ST7: variants seen among roughly 807,000 people sequenced by gnomAD.
ST7 encodes the protein suppressor of tumorigenicity 7 protein.
In ST7, 28 loss-of-function variants were observed where a neutral mutation model predicts 78.7. That is an observed-to-expected ratio of 0.36 (90% CI 0.26 to 0.49). The LOEUF (loss-of-function observed/expected upper bound fraction) is 0.49, where lower values mean the gene tolerates loss of function less well. ST7 is among the 20% of genes least tolerant of loss of function. The pLI, the probability that ST7 is intolerant of heterozygous loss-of-function variation, is 0.99. For missense variants in ST7, 418 were observed against 696.0 expected (o/e 0.60, Z 4.49); for synonymous variants, 247 against 249.6 (o/e 0.99, Z 0.10).
At chr7:117,169,342 G>T (rs1339565888) in intron 9 of ST7, among the ~76,000 whole-genome samples, 1 of 151,678 alleles carries the variant, frequency 6.6e-6, no homozygotes, top group African/African-American at 2.4e-5. Flanking sequence ...TGCCATGTTG[G>T]ACAGGCTGGT....
At chr7:117,218,216 C>T (rs958328550) in intron 13 of ST7, among the ~76,000 whole-genome samples, 1 of 152,098 alleles carries the variant, frequency 6.6e-6, no homozygotes, top group African/African-American at 2.4e-5. Flanking sequence ...TCTGACATTC[C>T]CAGAGTAGGG....
intron 1 of ST7, chr7:117,090,904 TCC>T (rs1747750104): frequency 6.0e-6 from 1 of 166,872 alleles, no homozygotes; most frequent in South Asian, 2.1e-4. Flanking sequence ...ATGGCCTCCC[TCC>T]AGCAAGGGAG....
chr7:117,104,231 A>G (rs531693695), intron 2 of ST7, among the ~76,000 whole-genome samples: 115 of 152,318 alleles, frequency 7.5e-4, no homozygotes, highest in African/African-American at 2.6e-3. Flanking sequence ...ACATGAGGCC[A>G]GGAGTTCGAG....
chr7:117,147,103 T>C (rs1805854589), intron 9 of ST7, among the ~76,000 whole-genome samples: 1 of 152,184 alleles, frequency 6.6e-6, no homozygotes, highest in South Asian at 2.1e-4. Flanking sequence ...TTCCCTGTTT[T>C]ACTCAACACT....
chr7:117,149,444 G>A (rs1584473686), intron 9 of ST7, among the ~76,000 whole-genome samples: 2 of 152,186 alleles, frequency 1.3e-5, no homozygotes, highest in East Asian at 3.9e-4. Flanking sequence ...GTCAGGAGGG[G>A]CCCTTCTCAA....
intron 9 of ST7, among the ~76,000 whole-genome samples, chr7:117,142,016 G>A (rs561033442): frequency 6.6e-6 from 1 of 152,174 alleles, no homozygotes; most frequent in Admixed American, 6.5e-5. Context: ...ATAAAAAGTT[G>A]CATTTTCTGC....
At chr7:117,165,938 A>C (rs1807521375) in intron 9 of ST7, among the ~76,000 whole-genome samples, 1 of 152,176 alleles carries the variant, frequency 6.6e-6, no homozygotes, top group South Asian at 2.1e-4. Flanking sequence ...TGAGGTTGGC[A>C]TATTAGACAG....
chr7:117,136,366 T>C, intron 8 of ST7, 131 bp downstream of exon 8: 1 of 1,145,180 alleles, frequency 8.7e-7, no homozygotes, highest in Non-Finnish European at 1.3e-6. Flanking sequence ...GCTTTGTTTT[T>C]ATTAATTTTC....
intron 9 of ST7, among the ~76,000 whole-genome samples, chr7:117,152,951 G>A (rs1806408013): frequency 6.6e-6 from 1 of 152,124 alleles, no homozygotes; most frequent in East Asian, 1.9e-4. Flanking sequence ...CTATTTTTCG[G>A]TAATGGAGAG....
At chr7:117,096,382 A>T (rs1801045266) in intron 1 of ST7, among the ~76,000 whole-genome samples, 1 of 152,166 alleles carries the variant, frequency 6.6e-6, no homozygotes, top group South Asian at 2.1e-4. Context: ...CTCACAGGGG[A>T]CTTATCTAGA....
chr7:117,005,092 CT>C, intron 1 of ST7, among the ~76,000 whole-genome samples: 1 of 152,116 alleles, frequency 6.6e-6, no homozygotes, highest in African/African-American at 2.4e-5. Flanking sequence ...TCTCAATGCA[CT>C]ACTTTTTTTT....
chr7:117,081,278 ACTT>A (rs994380968), intron 1 of ST7, among the ~76,000 whole-genome samples: 3 of 152,108 alleles, frequency 2.0e-5, no homozygotes, highest in Non-Finnish European at 2.9e-5. Context: ...GGCCCTAAGA[ACTT>A]CTTCTCATTC....
chr7:117,151,392 AC>A (rs1401113497), intron 9 of ST7, among the ~76,000 whole-genome samples: 1 of 152,004 alleles, frequency 6.6e-6, no homozygotes, highest in Non-Finnish European at 1.5e-5. Flanking sequence ...CTTTCTTAGG[AC>A]CTTTGCACAG....
At chr7:117,049,141 A>C (rs1467902987) in intron 1 of ST7, among the ~76,000 whole-genome samples, 1 of 152,132 alleles carries the variant, frequency 6.6e-6, no homozygotes, top group African/African-American at 2.4e-5. Flanking sequence ...CAGCAGCTTT[A>C]TAGGTAAGGG....
At chr7:116,972,674 C>T in intron 1 of ST7, 1 of 1,050,724 alleles carries the variant, frequency 9.5e-7, no homozygotes, top group Non-Finnish European at 1.5e-6. Context: ...GTTTTTTCCG[C>T]TTCTTCCAGC....
At chr7:117,134,068 C>T in intron 6 of ST7, 56 bp from the exon 7 acceptor site, 1 of 1,602,186 alleles carries the variant, frequency 6.2e-7, no homozygotes, top group Non-Finnish European at 8.5e-7. Flanking sequence ...TAGTGACTCT[C>T]TCTGAATGTT....
At chr7:116,982,640 C>T (rs1321896505) in intron 1 of ST7, among the ~76,000 whole-genome samples, 2 of 152,134 alleles carry the variant, frequency 1.3e-5, no homozygotes, top group South Asian at 2.1e-4. Context: ...TGACATGTCC[C>T]TATTATTCTT....
chr7:116,959,124 A>G (rs76032681), intron 1 of ST7: 5,374 of 457,594 alleles, frequency 0.012, 54 homozygotes, highest in Non-Finnish European at 0.019. Flanking sequence ...AGTTTATGTA[A>G]TATTCTAAAT....
chr7:117,162,260 C>G (rs1409914811), intron 9 of ST7, among the ~76,000 whole-genome samples: 1 of 151,874 alleles, frequency 6.6e-6, no homozygotes, highest in Non-Finnish European at 1.5e-5. Context: ...TAGCATATGG[C>G]AAGGATTTCA....
Sources: gnomAD v4.1 joint callset for allele counts (sites outside exome capture counted in the v4.1 genomes callset) on GRCh38, gnomAD v4.1.1 for gene constraint, MANE v1.5 for transcripts, NCBI Gene and HGNC (gene_info 2026-07-23, HGNC 2026-07-21) for gene names.